Variants in PAPPA2 observed in about 807,000 individuals in gnomAD.
PAPPA2 encodes pappalysin 2.
A neutral mutation model predicts 176.4 loss-of-function variants in PAPPA2; 86 were observed. The observed-to-expected ratio is 0.49, with a 90% CI of 0.41 to 0.58. The LOEUF (loss-of-function observed/expected upper bound fraction) is 0.58, where lower values mean the gene tolerates loss of function less well. PAPPA2 is among the 20% of genes least tolerant of loss of function. PAPPA2 has a pLI of 0.00. For synonymous variants in PAPPA2, 809 were observed against 852.2 expected (o/e 0.95, Z 0.88); for missense variants, 2,073 against 2,256.9 (o/e 0.92, Z 1.65).
chr1:176,724,485 T>C (rs1661770004), intron 12 of PAPPA2, among the ~76,000 whole-genome samples: 1 of 152,332 alleles, frequency 6.6e-6, no homozygotes, highest in Non-Finnish European at 1.5e-5. Context: ...TTCATGTTTA[T>C]TTTCGTGGCT....
chr1:176,689,732 C>T (rs1295091235), intron 4 of PAPPA2, among the ~76,000 whole-genome samples: 2 of 152,114 alleles, frequency 1.3e-5, no homozygotes, highest in Non-Finnish European at 2.9e-5. Flanking sequence ...TGATTCTCAA[C>T]CTAGGAAGTT....
intron 3 of PAPPA2, among the ~76,000 whole-genome samples, chr1:176,601,666 T>A (rs1017231725): frequency 3.3e-5 from 5 of 152,076 alleles, no homozygotes; most frequent in Non-Finnish European, 7.4e-5. Flanking sequence ...TCTGCGAGAG[T>A]TAAGGGAAGG....
At chr1:176,808,929 TC>T (rs2102959534) in intron 21 of PAPPA2, among the ~76,000 whole-genome samples, 1 of 152,170 alleles carries the variant, frequency 6.6e-6, no homozygotes, top group African/African-American at 2.4e-5. Flanking sequence ...GCAGTCACCA[TC>T]CCCCAGTGAG....
At chr1:176,826,611 C>G (rs1038626952) in intron 21 of PAPPA2, among the ~76,000 whole-genome samples, 1 of 152,138 alleles carries the variant, frequency 6.6e-6, no homozygotes, top group Admixed American at 6.5e-5. Flanking sequence ...ACTGAACTGT[C>G]CATAGACATG....
intron 17 of PAPPA2, among the ~76,000 whole-genome samples, chr1:176,783,849 G>C (rs1342127002): frequency 6.6e-6 from 1 of 152,192 alleles, no homozygotes; most frequent in African/African-American, 2.4e-5. Flanking sequence ...CAACCTGGCT[G>C]CACATAAAAA....
intron 8 of PAPPA2, 122 bp from the exon 9 acceptor site, chr1:176,702,485 G>GT: frequency 7.3e-7 from 1 of 1,373,716 alleles, no homozygotes; most frequent in African/African-American, 1.4e-5. Flanking sequence ...ACAATGCAGC[G>GT]TATGTTTAAC....
At chr1:176,783,740 C>T (rs1664814208) in intron 17 of PAPPA2, among the ~76,000 whole-genome samples, 1 of 152,166 alleles carries the variant, frequency 6.6e-6, no homozygotes, top group African/African-American at 2.4e-5. Context: ...TTAGCAAAGA[C>T]CAAATGGGAC....
intron 12 of PAPPA2, among the ~76,000 whole-genome samples, chr1:176,719,374 C>T (rs986830495): frequency 2.0e-5 from 3 of 152,048 alleles, no homozygotes; most frequent in African/African-American, 4.8e-5. Context: ...ACAAAACTTA[C>T]GAAGAATACT....
chr1:176,834,431 C>T (rs987744121), intron 21 of PAPPA2, among the ~76,000 whole-genome samples: 5 of 152,182 alleles, frequency 3.3e-5, no homozygotes, highest in Non-Finnish European at 5.9e-5. Flanking sequence ...AGTTGAACAA[C>T]GACATTTCCT....
Position 176,764,316 on chromosome 1 carries a change from C to T in PAPPA2, c.4152-1350C>T, listed in dbSNP as rs553941535. 3.3e-5 allele frequency among the ~76,000 whole-genome samples: 5 copies of T among 152,196 alleles called. No homozygotes were observed. The South Asian group carries it at 1.0e-3, about 32-fold the overall frequency. Reference sequence around the variant, plus strand: ...GAGCAAAGGTACACAAATGGGAGAACAAAAAAGTGGGGTGACAAACAGCAA... The same window carrying T: ...GAGCAAAGGTACACAAATGGGAGAATAAAAAAGTGGGGTGACAAACAGCAA... On this transcript the variant is annotated intron_variant, in intron 14 of 22. Coordinates refer to ENST00000367662, the MANE Select transcript of PAPPA2 (RefSeq NM_020318.3).
chr1:176,575,085 A>T (rs1285550120), intron 2 of PAPPA2, among the ~76,000 whole-genome samples: 1 of 152,164 alleles, frequency 6.6e-6, no homozygotes, highest in East Asian at 1.9e-4. Flanking sequence ...GAGTGCCTAA[A>T]GCCATGTTTA....
intron 1 of PAPPA2, among the ~76,000 whole-genome samples, chr1:176,517,397 C>A (rs1182916459): frequency 6.6e-6 from 1 of 152,156 alleles, no homozygotes; most frequent in Admixed American, 6.6e-5. Flanking sequence ...GTCGACAGGC[C>A]ATTACCTCAG....
intron 1 of PAPPA2, among the ~76,000 whole-genome samples, chr1:176,524,030 T>C (rs1057413853): frequency 1.3e-5 from 2 of 152,234 alleles, no homozygotes; most frequent in African/African-American, 4.8e-5. Flanking sequence ...CAGTCTCTAC[T>C]TTCCCTCTCT....
intron 1 of PAPPA2, among the ~76,000 whole-genome samples, chr1:176,526,180 G>T (rs1295187781): frequency 6.6e-6 from 1 of 152,218 alleles, no homozygotes; most frequent in Non-Finnish European, 1.5e-5. Flanking sequence ...TTTGTGGATA[G>T]AGTGTTCCAA....
chr1:176,735,731 T>C (rs1662378538), intron 12 of PAPPA2, among the ~76,000 whole-genome samples: 1 of 150,538 alleles, frequency 6.6e-6, no homozygotes, highest in African/African-American at 2.5e-5. Flanking sequence ...TATCTATCTA[T>C]CTATCTATCA....
At chr1:176,699,892 T>G (rs1660568711) in intron 8 of PAPPA2, among the ~76,000 whole-genome samples, 1 of 152,180 alleles carries the variant, frequency 6.6e-6, no homozygotes, top group Non-Finnish European at 1.5e-5. Context: ...GATACTCCTG[T>G]CTGGTGACAA....
At chr1:176,610,459 A>G (rs1414677243) in intron 3 of PAPPA2, among the ~76,000 whole-genome samples, 3 of 152,120 alleles carry the variant, frequency 2.0e-5, no homozygotes, top group African/African-American at 7.2e-5. Flanking sequence ...ATAATCATGG[A>G]TGTTGGGTGG....
chr1:176,838,630 G>A (rs998580232), intron 21 of PAPPA2, among the ~76,000 whole-genome samples: 3 of 152,188 alleles, frequency 2.0e-5, no homozygotes, highest in Non-Finnish European at 2.9e-5. Context: ...GCTGCAGTTC[G>A]GGACCTGAGT....
chr1:176,732,679 C>T (rs1159168622), intron 12 of PAPPA2, among the ~76,000 whole-genome samples: 3 of 152,172 alleles, frequency 2.0e-5, no homozygotes, highest in Non-Finnish European at 2.9e-5. Flanking sequence ...GCTCTAGGAA[C>T]TCATAATCTG....
Sources: allele counts gnomAD v4.1 joint callset (sites outside exome capture counted in the v4.1 genomes callset), GRCh38; gene constraint gnomAD v4.1.1; transcripts MANE v1.5; gene names NCBI Gene and HGNC (gene_info 2026-07-23, HGNC 2026-07-21).